Variants in CDKAL1 observed in about 807,000 individuals in gnomAD.
CDKAL1 encodes the protein threonylcarbamoyladenosine tRNA methylthiotransferase.
A neutral mutation model predicts 68.2 loss-of-function variants in CDKAL1; 32 were observed. The ratio of observed to expected loss-of-function variants is 0.47; its 90% CI spans 0.35 to 0.63. The LOEUF is 0.63. CDKAL1 is among the 30% of genes least tolerant of loss of function. The probability of loss-of-function intolerance (pLI) is 0.00; values close to 1 mark genes in which losing one functional copy is unlikely to be tolerated. For missense variants in CDKAL1, 606 were observed against 696.7 expected, an observed-to-expected ratio of 0.87 and a Z score of 1.47; for synonymous variants, 234 against 244.3, an observed-to-expected ratio of 0.96 and a Z score of 0.39.
chr6:20,951,354 A>G (rs888971056), intron 9 of CDKAL1, among the ~76,000 whole-genome samples: 10 of 152,352 alleles, frequency 6.6e-5, no homozygotes, highest in Non-Finnish European at 1.2e-4. Flanking sequence ...AATTTTGGCA[A>G]AGTTTGATTT....
intron 5 of CDKAL1, among the ~76,000 whole-genome samples, chr6:20,671,305 G>T (rs1436312360): frequency 6.6e-6 from 1 of 152,070 alleles, no homozygotes; most frequent in East Asian, 1.9e-4. Flanking sequence ...TGGCCATTTA[G>T]ATATACTTTT....
chr6:20,892,322 A>G (rs908534316), intron 9 of CDKAL1, among the ~76,000 whole-genome samples: 1 of 152,242 alleles, frequency 6.6e-6, no homozygotes, highest in African/African-American at 2.4e-5. Context: ...TGTGGACTGT[A>G]TATGGATCCT....
At chr6:21,092,966 A>G (rs1193165999) in intron 12 of CDKAL1, among the ~76,000 whole-genome samples, 1 of 152,076 alleles carries the variant, frequency 6.6e-6, no homozygotes, top group Non-Finnish European at 1.5e-5. Context: ...AGAAGGAAAA[A>G]TATAGAAAAA....
At chr6:20,671,347 A>G (rs958795095) in intron 5 of CDKAL1, among the ~76,000 whole-genome samples, 3 of 152,024 alleles carry the variant, frequency 2.0e-5, no homozygotes, top group Non-Finnish European at 2.9e-5. Flanking sequence ...TTGTTTATCT[A>G]TTGTCTCTCA....
intron 5 of CDKAL1, among the ~76,000 whole-genome samples, chr6:20,739,211 A>C (rs113575919): frequency 7.9e-5 from 12 of 152,348 alleles, no homozygotes; most frequent in African/African-American, 2.6e-4. Flanking sequence ...CTATCTGGAA[A>C]ATGCAGTTTT....
At chr6:21,167,095 T>C (rs1313502835) in intron 13 of CDKAL1, among the ~76,000 whole-genome samples, 3 of 152,190 alleles carry the variant, frequency 2.0e-5, no homozygotes, top group Admixed American at 1.3e-4. Context: ...CAATGTGATA[T>C]CAGAAAAGCA....
In CDKAL1 at chr6:21,055,540, A is replaced by G. The variant is rs1006864069; in HGVS notation, c.1056-9508A>G. On this transcript the variant is annotated intron_variant, in intron 11 of 15. Coordinates refer to ENST00000274695, the MANE Select transcript of CDKAL1 (RefSeq NM_017774.3). The stretch of plus-strand genomic sequence containing the variant: ...TTCCCTGGTACTCTTCCCCACCTCA[A>G]CAGGCTCCAGTGTGTGTTCCCCTCC... Among the ~76,000 whole-genome samples, 7 of 152,150 alleles carry G rather than the reference A, an allele frequency of 4.6e-5. No homozygotes were observed. The East Asian group carries it at 1.4e-3, about 29-fold the overall frequency.
chr6:21,206,470 G>A (rs1165241934), intron 15 of CDKAL1, among the ~76,000 whole-genome samples: 4 of 151,984 alleles, frequency 2.6e-5, no homozygotes, highest in African/African-American at 7.2e-5. Context: ...ATAACACATC[G>A]CTTGAATCTT....
intron 10 of CDKAL1, among the ~76,000 whole-genome samples, chr6:20,958,260 T>C (rs1764886130): frequency 6.6e-6 from 1 of 152,170 alleles, no homozygotes; most frequent in Admixed American, 6.5e-5. Context: ...GTCTACACCA[T>C]CTCAAAGTAA....
At chr6:20,547,607 T>G (rs1431629234) in intron 3 of CDKAL1, among the ~76,000 whole-genome samples, 1 of 152,202 alleles carries the variant, frequency 6.6e-6, no homozygotes, top group African/African-American at 2.4e-5. Flanking sequence ...CTTTATAATC[T>G]GCTTATTTTG....
intron 13 of CDKAL1, among the ~76,000 whole-genome samples, chr6:21,128,229 G>C (rs1297153725): frequency 6.6e-6 from 1 of 152,200 alleles, no homozygotes; most frequent in Admixed American, 6.5e-5. Flanking sequence ...CTATAGTATA[G>C]GCTTTGTGTT....
Position 21,167,680 on chromosome 6 carries a change from T to A in CDKAL1, c.1300-30341T>A, listed in dbSNP as rs1043527352. On this transcript the variant is annotated intron_variant, in intron 13 of 15. Transcript: ENST00000274695. ...CTGCAAAGCTTGTAAACTGATTAAG[T>A]GACCAAAATCTTAACTGTATTATTA... Among the ~76,000 whole-genome samples the A allele has an allele frequency of 5.3e-5, 8 of 152,230 alleles. No homozygotes were observed. In the East Asian group the frequency reaches 1.3e-3, roughly 26 times the overall value.
chr6:20,897,799 T>G (rs1761769982), intron 9 of CDKAL1, among the ~76,000 whole-genome samples: 1 of 152,202 alleles, frequency 6.6e-6, no homozygotes, highest in African/African-American at 2.4e-5. Context: ...TTCATTATCT[T>G]TATTTCCTAC....
chr6:20,832,490 A>AAACAC (rs1468518833), intron 8 of CDKAL1, among the ~76,000 whole-genome samples: 1 of 151,880 alleles, frequency 6.6e-6, no homozygotes, highest in Admixed American at 6.6e-5. Context: ...AAAAAAAACA[A>AAACAC]AACACGTGAA....
At chr6:20,760,169 G>T (rs1447308219) in intron 7 of CDKAL1, among the ~76,000 whole-genome samples, 1 of 151,886 alleles carries the variant, frequency 6.6e-6, no homozygotes, top group Non-Finnish European at 1.5e-5. Context: ...AAATAGAGAT[G>T]AGATTTTGCC....
intron 12 of CDKAL1, among the ~76,000 whole-genome samples, chr6:21,070,437 G>A (rs937417346): frequency 4.8e-5 from 6 of 124,576 alleles, no homozygotes; most frequent in African/African-American, 1.8e-4. Flanking sequence ...AATTTTGTGG[G>A]TCTTCCCTGG....
chr6:21,093,778 C>G (rs540575599), intron 12 of CDKAL1, among the ~76,000 whole-genome samples: 1 of 136,880 alleles, frequency 7.3e-6, no homozygotes, highest in Non-Finnish European at 1.5e-5. Context: ...TGCAGTGGCA[C>G]GATCATGGTC....
chr6:21,166,731 G>T (rs551964564), intron 13 of CDKAL1, among the ~76,000 whole-genome samples: 2 of 152,292 alleles, frequency 1.3e-5, no homozygotes, highest in Non-Finnish European at 2.9e-5. Flanking sequence ...CTGCTAAAAA[G>T]TATTTGGATT....
At chr6:20,655,962 C>G (rs796651903) in intron 5 of CDKAL1, among the ~76,000 whole-genome samples, 49 of 152,242 alleles carry the variant, frequency 3.2e-4, no homozygotes, top group African/African-American at 1.2e-3. Flanking sequence ...ATGTGACGGG[C>G]AGTGTTCTAA....
Sources: allele counts gnomAD v4.1 joint callset (sites outside exome capture counted in the v4.1 genomes callset), GRCh38; gene constraint gnomAD v4.1.1; transcripts MANE v1.5; gene names NCBI Gene and HGNC (gene_info 2026-07-23, HGNC 2026-07-21).